PUDP: variants seen among roughly 807,000 people sequenced by gnomAD.
PUDP encodes pseudouridine 5'-phosphatase.
In PUDP, 8 loss-of-function variants were observed where a neutral mutation model predicts 9.4. The observed-to-expected ratio is 0.85, with a 90% confidence interval of 0.50 to 1.53. PUDP has a LOEUF of 1.53. Among genes scored for constraint, PUDP ranks in the 40% most tolerant of loss-of-function variants. PUDP has a pLI of 0.00. For missense variants in PUDP, 188 were observed against 189.7 expected (o/e 0.99, Z 0.05); for synonymous variants, 99 against 80.7 (o/e 1.23, Z -1.22).
chrX:7,014,003 T>C (rs1237553047), intron 1 of PUDP, among the ~76,000 whole-genome samples: 1 of 110,689 alleles, frequency 9.0e-6, no homozygotes, highest in Non-Finnish European at 1.9e-5. Context: ...TGGAGGTGGC[T>C]CTCAGCAGGA....
At chrX:7,121,498 C>G (rs1422792091) in intron 1 of PUDP, among the ~76,000 whole-genome samples, 5 of 111,692 alleles carry the variant, frequency 4.5e-5, no homozygotes, top group African/African-American at 1.6e-4. Flanking sequence ...CGCCCACACA[C>G]TGCAGGCTAA....
At chrX:6,718,793 C>G (rs1273605182) in intron 1 of PUDP, among the ~76,000 whole-genome samples, 2 of 111,938 alleles carry the variant, frequency 1.8e-5, no homozygotes, top group Non-Finnish European at 3.8e-5. Flanking sequence ...GACTTTCTCC[C>G]TATTTCTGGA....
chrX:7,102,130 A>C (rs938112297), intron 2 of PUDP, among the ~76,000 whole-genome samples: 1 of 111,252 alleles, frequency 9.0e-6, no homozygotes, highest in Non-Finnish European at 1.9e-5. Context: ...CCAAACATGG[A>C]AAACACTATA....
chrX:6,883,837 C>CT (rs900984100), intron 3 of PUDP, among the ~76,000 whole-genome samples: 1 of 110,852 alleles, frequency 9.0e-6, no homozygotes, highest in Non-Finnish European at 1.9e-5. Context: ...AATGTTCATT[C>CT]TTTTTTTTGT....
At chrX:6,868,292 A>C (rs903808901) in intron 3 of PUDP, among the ~76,000 whole-genome samples, 1 of 112,279 alleles carries the variant, frequency 8.9e-6, no homozygotes, top group African/African-American at 3.2e-5. Flanking sequence ...TGGCCAAGAA[A>C]GACCTCTCAG....
intron 1 of PUDP, among the ~76,000 whole-genome samples, chrX:7,011,681 C>T (rs762535708): frequency 2.7e-5 from 3 of 112,347 alleles, no homozygotes; most frequent in African/African-American, 9.7e-5. Flanking sequence ...CCTGCAACTG[C>T]CCGGTAGCAT....
At chrX:6,729,706 T>G (rs1172112522) in intron 3 of PUDP, among the ~76,000 whole-genome samples, 1 of 111,437 alleles carries the variant, frequency 9.0e-6, no homozygotes, top group Non-Finnish European at 1.9e-5. Context: ...CCTTTCTGCC[T>G]TCGTTACACG....
At chrX:7,005,519 C>T (rs1332298312) in intron 1 of PUDP, among the ~76,000 whole-genome samples, 8 of 109,391 alleles carry the variant, frequency 7.3e-5, no homozygotes, top group Admixed American at 2.0e-4. Context: ...AAGCAATCCT[C>T]GTACCTCAGC....
At chrX:7,062,641 T>C (rs767955405) in intron 3 of PUDP, among the ~76,000 whole-genome samples, 1 of 108,451 alleles carries the variant, frequency 9.2e-6, no homozygotes, top group South Asian at 4.1e-4. Context: ...CCAGAAGTAA[T>C]GAGTGAGGTA....
intron 3 of PUDP, among the ~76,000 whole-genome samples, chrX:6,808,025 C>G (rs1239534557): frequency 9.0e-6 from 1 of 111,478 alleles, no homozygotes; most frequent in African/African-American, 3.3e-5. Context: ...TATCTAAAGA[C>G]AAAAGAAGGG....
At chrX:7,046,527 A>G (rs769710254), downstream of PUDP, among the ~76,000 whole-genome samples, 23 of 112,727 alleles carry the variant, frequency 2.0e-4, no homozygotes, top group African/African-American at 6.4e-4. Flanking sequence ...TGACTTTTAA[A>G]TGGAATGACT....
At chrX:6,830,471 AAGTAGAAAAGTT>A (rs1428795888) in intron 3 of PUDP, among the ~76,000 whole-genome samples, 1 of 112,240 alleles carries the variant, frequency 8.9e-6, no homozygotes, top group African/African-American at 3.2e-5. Context: ...TTTTCTTTTA[AAGTAGAAAAGTT>A]AGTGACAAAA....
chrX:6,819,110 C>T (rs1255373114), intron 3 of PUDP, among the ~76,000 whole-genome samples: 1 of 111,483 alleles, frequency 9.0e-6, no homozygotes, highest in African/African-American at 3.3e-5. Flanking sequence ...TCAAGTGACA[C>T]CACTTAAATG....
chrX:6,926,070 C>G (rs899967173), intron 3 of PUDP, among the ~76,000 whole-genome samples: 5 of 111,761 alleles, frequency 4.5e-5, no homozygotes, highest in African/African-American at 1.6e-4. Flanking sequence ...TCCCCCATCA[C>G]ATCATGGCCG....
intron 3 of PUDP, among the ~76,000 whole-genome samples, chrX:7,059,182 C>T (rs1457790611): frequency 9.0e-6 from 1 of 111,567 alleles, no homozygotes; most frequent in Non-Finnish European, 1.9e-5. Context: ...AACGAATTCT[C>T]TCTGTGTCAT....
At chrX:7,140,974 C>T (rs1434925643) in intron 1 of PUDP, among the ~76,000 whole-genome samples, 2 of 111,492 alleles carry the variant, frequency 1.8e-5, no homozygotes, top group African/African-American at 6.5e-5. Context: ...GAACCGCACC[C>T]ATATAAGTCA....
chrX:6,886,041 C>T (rs1278846715), intron 3 of PUDP, among the ~76,000 whole-genome samples: 2 of 111,780 alleles, frequency 1.8e-5, no homozygotes, highest in African/African-American at 3.2e-5. Context: ...ACAGAAACAT[C>T]GTCTATGTTG....
At chrX:6,895,092 C>T (rs1411731694) in intron 3 of PUDP, among the ~76,000 whole-genome samples, 3 of 110,010 alleles carry the variant, frequency 2.7e-5, no homozygotes, top group Admixed American at 9.9e-5. Flanking sequence ...GGCTGACTGT[C>T]GGTCCTGAGG....
At chrX:6,959,493 G>T (rs144867567) in intron 3 of PUDP, among the ~76,000 whole-genome samples, 4 of 112,332 alleles carry the variant, frequency 3.6e-5, no homozygotes, top group Non-Finnish European at 7.5e-5. Flanking sequence ...GAATGCAAGC[G>T]CTGTGCAGGC....
Sources: allele counts gnomAD v4.1 joint callset (sites outside exome capture counted in the v4.1 genomes callset), GRCh38; gene constraint gnomAD v4.1.1; transcripts MANE v1.5; gene names NCBI Gene and HGNC (gene_info 2026-07-23, HGNC 2026-07-21).